The following PLCG2 variants were observed in gnomAD, a reference collection of about 807,000 sequenced individuals.
PLCG2 encodes 1-phosphatidylinositol 4,5-bisphosphate phosphodiesterase gamma-2.
A neutral mutation model predicts 175.6 loss-of-function variants in PLCG2; 69 were observed. The ratio of observed to expected loss-of-function variants is 0.39; its 90% CI spans 0.32 to 0.48. The LOEUF (loss-of-function observed/expected upper bound fraction) is 0.48, where lower values mean the gene tolerates loss of function less well. PLCG2 is among the 20% of genes least tolerant of loss of function. The probability of loss-of-function intolerance (pLI) is 0.91; values close to 1 mark genes in which losing one functional copy is unlikely to be tolerated. For missense variants in PLCG2, 1,798 were observed against 1,650.9 expected, an observed-to-expected ratio of 1.09 and a Z score of -1.54; for synonymous variants, 827 against 624.0, an observed-to-expected ratio of 1.33 and a Z score of -4.85.
At chr16:81,764,721 A>G (rs1910108677) in intron 2 of PLCG2, among the ~76,000 whole-genome samples, 1 of 152,196 alleles carries the variant, frequency 6.6e-6, no homozygotes, top group Non-Finnish European at 1.5e-5. Context: ...ACCTCAGAAC[A>G]TAGCTGTATT....
chr16:81,802,039 A>AGTTTTTT (rs1911743878), intron 2 of PLCG2, among the ~76,000 whole-genome samples: 1 of 144,618 alleles, frequency 6.9e-6, no homozygotes, highest in East Asian at 2.1e-4. Context: ...GTGCCCACCA[A>AGTTTTTT]CATTCTGTCT....
At chr16:81,790,562 G>C (rs753635456) in intron 2 of PLCG2, among the ~76,000 whole-genome samples, 35 of 152,186 alleles carry the variant, frequency 2.3e-4, no homozygotes, top group Non-Finnish European at 4.3e-4. Flanking sequence ...TCCTCACGGG[G>C]TTCTGGTTAG....
chr16:81,898,205 G>T, intron 13 of PLCG2: 1 of 193,928 alleles, frequency 5.2e-6, no homozygotes. Flanking sequence ...TTAAAATAGG[G>T]CTGGAATCAT....
chr16:81,805,477 T>G (rs143545978), intron 2 of PLCG2, among the ~76,000 whole-genome samples: 1,501 of 120,426 alleles, frequency 0.012, 30 homozygotes, highest in African/African-American at 0.046. Flanking sequence ...TCAGCCTGGG[T>G]AACAGAGCGA....
intron 2 of PLCG2, among the ~76,000 whole-genome samples, chr16:81,813,988 C>T (rs1010667845): frequency 1.3e-5 from 2 of 152,098 alleles, no homozygotes; most frequent in Non-Finnish European, 2.9e-5. Flanking sequence ...GAGATGGAGA[C>T]CATGGTATTC....
chr16:81,858,476 T>C lies in PLCG2; in HGVS notation c.431+120T>C, dbSNP rs868168285. 186 of 738,632 alleles carry C rather than the reference T, an allele frequency of 2.5e-4. No homozygotes were observed. In the African/African-American group the frequency reaches 2.8e-3, roughly 11 times the overall value. 45.8% of individuals were successfully genotyped at this position (738,632 alleles called of 1,614,324 possible). A position where few individuals can be genotyped will look rare whatever the true frequency, so the allele number is the denominator to read the frequency against. ...AGGGACATTGGTTTTTTGAGGCTCGTTGAGTGTCTTGTATGCAATGGGTGC... is the reference window on the plus strand; with the variant it reads ...AGGGACATTGGTTTTTTGAGGCTCGCTGAGTGTCTTGTATGCAATGGGTGC... On this transcript the variant is annotated intron_variant, in intron 4 of 32. Transcript: ENST00000564138.
At chr16:81,808,763 G>A (rs1182935827) in intron 2 of PLCG2, among the ~76,000 whole-genome samples, 1 of 152,134 alleles carries the variant, frequency 6.6e-6, no homozygotes, top group African/African-American at 2.4e-5. Flanking sequence ...AAAGTGCTGG[G>A]ATTACAGGCG....
intron 28 of PLCG2, 136 bp downstream of exon 28, chr16:81,938,039 G>A (rs1910788948): frequency 4.0e-6 from 3 of 746,774 alleles, no homozygotes. Flanking sequence ...TTCAGGCAGT[G>A]TTTGAGGATC....
chr16:81,839,787 A>T (rs899892490), intron 2 of PLCG2, among the ~76,000 whole-genome samples: 3 of 152,222 alleles, frequency 2.0e-5, no homozygotes, highest in East Asian at 1.9e-4. Flanking sequence ...ATGGTGGCTC[A>T]TGCCTGTAAT....
chr16:81,919,919 C>G (rs1277614413), intron 20 of PLCG2, among the ~76,000 whole-genome samples: 1 of 152,116 alleles, frequency 6.6e-6, no homozygotes, highest in African/African-American at 2.4e-5. Flanking sequence ...GAGAAAAACA[C>G]TGGGCAGGTG....
chr16:81,853,807 G>A (rs948896864), intron 2 of PLCG2, among the ~76,000 whole-genome samples: 26 of 152,102 alleles, frequency 1.7e-4, no homozygotes, highest in Admixed American at 1.2e-3. Context: ...ATTAGTAACA[G>A]TCCATTACTC....
intron 2 of PLCG2, among the ~76,000 whole-genome samples, chr16:81,836,432 T>A (rs1905521017): frequency 6.6e-6 from 1 of 152,032 alleles, no homozygotes; most frequent in African/African-American, 2.4e-5. Context: ...ATCCTTCCCT[T>A]GGTAGTGGTT....
chr16:81,740,928 C>T (rs181969873), intron 1 of PLCG2, among the ~76,000 whole-genome samples: 51 of 152,244 alleles, frequency 3.3e-4, no homozygotes, highest in Non-Finnish European at 6.8e-4. Context: ...GCAGAATCCT[C>T]CCTGGAATTC....
chr16:81,908,050 C>G (rs1384125805), intron 16 of PLCG2, among the ~76,000 whole-genome samples: 1 of 152,208 alleles, frequency 6.6e-6, no homozygotes, highest in Admixed American at 6.5e-5. Context: ...TGGCTTGGTC[C>G]CATGCTTTCC....
rs1417461035 is a variant in PLCG2, at chr16:81,870,935, G to A, written c.648G>A (p.Ser216=). 2 of 1,528,472 alleles carry A rather than the reference G, an allele frequency of 1.3e-6. No homozygotes were observed. The highest frequency in any genetic ancestry group is 1.2e-5 in the South Asian group (1 of 86,816). The allele number at this position is 1,528,472 out of a possible 1,614,324, so 94.7% of individuals were successfully genotyped here. Reference sequence around the variant, plus strand: ...AACTTATGTTTGAACAGCAAAAATCGGTAAGATGATTCTTGAGCAAGTGAT... The same window carrying A: ...AACTTATGTTTGAACAGCAAAAATCAGTAAGATGATTCTTGAGCAAGTGAT... The part of the protein sequence containing the change: ...YKKLMFEQQK[S]ILDEFKKDSS... Residue 216 remains serine (S), a splice_region_variant and synonymous_variant, in exon 7 of 33, where the codon TCG becomes TCA. Coordinates refer to ENST00000564138, the MANE Select transcript of PLCG2 (RefSeq NM_002661.5).
chr16:81,840,934 T>A (rs7201405), intron 2 of PLCG2, among the ~76,000 whole-genome samples: 10 of 151,452 alleles, frequency 6.6e-5, no homozygotes, highest in Non-Finnish European at 1.2e-4. Flanking sequence ...CCCTTGGGGA[T>A]GGGGAGTCCC....
chr16:81,783,193 G>A, intron 1 of PLCG2: 1 of 467,294 alleles, frequency 2.1e-6, no homozygotes, highest in South Asian at 1.5e-5. Context: ...ATGGCCTAGA[G>A]ACCTGGGAGT....
At chr16:81,923,020 A>G (rs1910119840) in intron 21 of PLCG2, among the ~76,000 whole-genome samples, 1 of 152,176 alleles carries the variant, frequency 6.6e-6, no homozygotes, top group Non-Finnish European at 1.5e-5. Flanking sequence ...GGCCCTCAGG[A>G]CAGGCAGGAA....
In PLCG2 at chr16:81,858,339, G is replaced by C. The variant is rs781285726; in HGVS notation, c.414G>C (p.Thr138=). The C allele has an allele frequency of 6.2e-7, 1 of 1,613,068 alleles. No homozygotes were observed. Among genetic ancestry groups the C allele is most frequent in the Non-Finnish European group, 8.5e-7 (1 of 1,179,130 alleles). Residue 138 remains threonine (T), a synonymous_variant, in exon 4 of 33, where the codon ACG becomes ACC. Transcript: ENST00000564138. ...ACCAGGAAGCGATGAATGCGTCCACGCCCACCATTATCGAGAGGTAGTTGG... is the reference window on the plus strand; with the variant it reads ...ACCAGGAAGCGATGAATGCGTCCACCCCCACCATTATCGAGAGGTAGTTGG... ...ILHQEAMNAS[T]PTIIESWLRK...
Sources: gnomAD v4.1 joint callset for allele counts (sites outside exome capture counted in the v4.1 genomes callset) on GRCh38, gnomAD v4.1.1 for gene constraint, MANE v1.5 for transcripts, NCBI Gene and HGNC (gene_info 2026-07-23, HGNC 2026-07-21) for gene names.